The following IGF1R variants were observed in gnomAD, a reference collection of about 807,000 sequenced individuals.
IGF1R encodes the protein insulin like growth factor 1 receptor, also known as insulin-like growth factor 1 receptor.
Under a neutral mutation model 144.6 loss-of-function variants are expected in IGF1R, and 44 were observed. That is an observed-to-expected ratio of 0.30 (90% CI 0.24 to 0.39). The LOEUF is 0.39. Among genes scored for constraint, IGF1R ranks in the 10% least tolerant of loss-of-function variants. The pLI, the probability that IGF1R is intolerant of heterozygous loss-of-function variation, is 1.00. For synonymous variants in IGF1R, 795 were observed against 722.8 expected (o/e 1.10, Z -1.60); for missense variants, 1,355 against 1,833.7 (o/e 0.74, Z 4.77).
rs1208895520 is a variant in IGF1R at position 98,935,789 on chromosome 15, G to A, written c.3297+363G>A. ...CCCCACTCCAGTAGCTATCTTCTCT[G>A]CTAACTTCTCGATGCGCTTGACTCA... On this transcript the variant is annotated intron_variant, in intron 17 of 20. Coordinates refer to ENST00000650285, the MANE Select transcript of IGF1R (RefSeq NM_000875.5). The surrounding 1 kb of genome is among the most constrained non-coding windows in gnomAD (Gnocchi z 4.2). Among the ~76,000 whole-genome samples the A allele has an allele frequency of 6.6e-6, 1 of 151,652 alleles. No homozygotes were observed. The highest frequency in any genetic ancestry group is 1.5e-5 in the Non-Finnish European group (1 of 67,964).
chr15:98,927,708 A>G (rs931090517), intron 13 of IGF1R, among the ~76,000 whole-genome samples: 1 of 152,232 alleles, frequency 6.6e-6, no homozygotes, highest in Admixed American at 6.5e-5. Flanking sequence ...GAGAGCTACA[A>G]TATCAATAAA....
chr15:98,669,682 C>G (rs1425045624), intron 1 of IGF1R, among the ~76,000 whole-genome samples: 1 of 152,202 alleles, frequency 6.6e-6, no homozygotes, highest in Admixed American at 6.5e-5. Context: ...ACACTGACTT[C>G]CCTCCATCCT....
chr15:98,920,499 A>G (rs541831621), intron 10 of IGF1R, among the ~76,000 whole-genome samples: 2 of 152,338 alleles, frequency 1.3e-5, no homozygotes, highest in African/African-American at 4.8e-5. Context: ...GACAGACACA[A>G]GTGTATGTTG....
rs184142878 is a variant in IGF1R at position 98,946,704 on chromosome 15, G to T, written c.3588-1870G>T. Among the ~76,000 whole-genome samples, 385 of 152,284 alleles carry T rather than the reference G, an allele frequency of 2.5e-3. 1 individual carries two copies. The highest frequency in any genetic ancestry group is 8.7e-3 in the African/African-American group (363 of 41,558). ...CACAAATCGGAGTTCAGTGTGAGAC[G>T]CAGTGAGTTTGTGGGTAGCCCAGTA... is the stretch of plus-strand genomic sequence containing the variant. On this transcript the variant is annotated intron_variant, in intron 19 of 20. Transcript: ENST00000650285.
chr15:98,757,168 A>C (rs537291367), intron 2 of IGF1R, among the ~76,000 whole-genome samples: 1 of 148,446 alleles, frequency 6.7e-6, no homozygotes, highest in African/African-American at 2.5e-5. Context: ...ACCTTTTATA[A>C]TTTTTTTTTT....
chr15:98,788,479 G>A lies in IGF1R; in HGVS notation c.640+80372G>A, dbSNP rs145599140. 3.4e-3 allele frequency among the ~76,000 whole-genome samples: 519 copies of A among 152,330 alleles called. 5 individuals are homozygous for A. Among genetic ancestry groups the A allele is most frequent in the African/African-American group, 0.012 (491 of 41,574 alleles). ...AGCCCTGTCACTTACCCAAGGTGCA[G>A]CAACAATTAGTGTCTGTTTACACAT... On this transcript the variant is annotated intron_variant, in intron 2 of 20. Coordinates refer to ENST00000650285, the MANE Select transcript of IGF1R (RefSeq NM_000875.5).
chr15:98,780,690 A>G (rs2055842109), intron 2 of IGF1R, among the ~76,000 whole-genome samples: 1 of 152,322 alleles, frequency 6.6e-6, no homozygotes, highest in South Asian at 2.1e-4. Flanking sequence ...TAACATACTA[A>G]TTATAAATCA....
chr15:98,674,297 C>G (rs2052974462), intron 1 of IGF1R, among the ~76,000 whole-genome samples: 1 of 152,196 alleles, frequency 6.6e-6, no homozygotes, highest in African/African-American at 2.4e-5. Context: ...AAAGCAGGAA[C>G]TGTGTTCACT....
chr15:98,904,213 G>A (rs182187952), intron 5 of IGF1R, among the ~76,000 whole-genome samples: 48 of 152,058 alleles, frequency 3.2e-4, no homozygotes, highest in Admixed American at 2.2e-3. Context: ...CACCACGCCC[G>A]ACTAATTTTT....
chr15:98,717,963 A>G (rs1450047257), intron 2 of IGF1R, among the ~76,000 whole-genome samples: 2 of 152,132 alleles, frequency 1.3e-5, no homozygotes, highest in East Asian at 3.9e-4. Flanking sequence ...GCACACGTGC[A>G]CGTGTGCGTG....
chr15:98,828,570 G>A (rs1429286881), intron 2 of IGF1R, among the ~76,000 whole-genome samples: 2 of 152,148 alleles, frequency 1.3e-5, no homozygotes, highest in African/African-American at 2.4e-5. Flanking sequence ...GAGGAGCGCA[G>A]ACTTTTCAAA....
chr15:98,867,154 GGAGAGAGAGAGAGA>G (rs60863950), intron 2 of IGF1R, among the ~76,000 whole-genome samples: 14 of 146,238 alleles, frequency 9.6e-5, no homozygotes, highest in South Asian at 2.2e-4. Flanking sequence ...AGAGAAAGGG[GGAGAGAGAGAGAGA>G]GAGAGAGAGA....
chr15:98,832,323 G>A (rs761830761), intron 2 of IGF1R, among the ~76,000 whole-genome samples: 31 of 152,242 alleles, frequency 2.0e-4, no homozygotes, highest in Middle Eastern at 3.4e-3. Context: ...CTTGGGTGCA[G>A]GAATCACAAG....
intron 5 of IGF1R, chr15:98,900,813 C>G (rs1005425929): frequency 2.7e-5 from 4 of 145,610 alleles, no homozygotes; most frequent in African/African-American, 1.0e-4. Context: ...TTTTTCTCCG[C>G]TTTTTTTTTT....
chr15:98,888,896 C>T (rs1344780452), intron 2 of IGF1R, among the ~76,000 whole-genome samples: 5 of 152,190 alleles, frequency 3.3e-5, no homozygotes, highest in Non-Finnish European at 5.9e-5. Context: ...CCTTTTATCT[C>T]GCTTCACCAT....
chr15:98,660,067 T>C (rs1382869759), intron 1 of IGF1R: 1 of 152,258 alleles, frequency 6.6e-6, no homozygotes. Flanking sequence ...TTATTCAGTT[T>C]TACGTGTCAA....
Position 98,935,253 on chromosome 15 carries a change from C to A in IGF1R, c.3187-63C>A. 9.0e-7 allele frequency: 1 copy of A among 1,107,256 alleles called. No individual in the cohort carries two copies. Among genetic ancestry groups the A allele is most frequent in the Non-Finnish European group, 1.3e-6 (1 of 770,484 alleles). 68.6% of individuals were successfully genotyped at this position (1,107,256 alleles called of 1,614,324 possible). A position where few individuals can be genotyped will look rare whatever the true frequency, so the allele number is the denominator to read the frequency against. On this transcript the variant is annotated intron_variant, in intron 16 of 20. Coordinates refer to ENST00000650285, the MANE Select transcript of IGF1R (RefSeq NM_000875.5). This position sits in a 1 kb window ranked among gnomAD's most constrained non-coding sequence, Gnocchi z 4.2. ...GCAGCACCACAGAGACAGTTCCAGA[C>A]AACACAGGCATCAGCAAGGGCCACC...
chr15:98,692,463 C>T (rs937400182), intron 1 of IGF1R, among the ~76,000 whole-genome samples: 4 of 152,190 alleles, frequency 2.6e-5, no homozygotes, highest in Non-Finnish European at 5.9e-5. Flanking sequence ...CTCCTTTGGC[C>T]TCCCAAAGTG....
At chr15:98,927,490 T>A (rs1898246678) in intron 13 of IGF1R, among the ~76,000 whole-genome samples, 1 of 152,236 alleles carries the variant, frequency 6.6e-6, no homozygotes, top group Admixed American at 6.5e-5. Context: ...TTTTTGTTAT[T>A]CTCTGGATGT....
Sources: gnomAD v4.1 joint callset for allele counts (sites outside exome capture counted in the v4.1 genomes callset) on GRCh38, gnomAD v4.1.1 for gene constraint, Gnocchi (gnomAD v3.1) non-coding constraint, MANE v1.5 for transcripts, NCBI Gene and HGNC (gene_info 2026-07-23, HGNC 2026-07-21) for gene names.